Variants in LYRM4 observed in about 807,000 individuals in gnomAD.
The protein encoded by LYRM4 is LYR motif containing 4, also known as LYR motif-containing protein 4.
In LYRM4, 9 loss-of-function variants were observed where a neutral mutation model predicts 11.7. The observed-to-expected ratio is 0.77, with a 90% confidence interval of 0.46 to 1.34. The LOEUF is 1.34. Ranked by LOEUF, LYRM4 falls within the 40% of genes most tolerant of loss-of-function variation. LYRM4 has a pLI of 0.00. For synonymous variants in LYRM4, 42 were observed against 40.4 expected (o/e 1.04, Z -0.15); for missense variants, 133 against 112.5 (o/e 1.18, Z -0.82).
chr6:5,215,835 C>A (rs1762243410), intron 2 of LYRM4, among the ~76,000 whole-genome samples: 1 of 151,940 alleles, frequency 6.6e-6, no homozygotes, highest in Non-Finnish European at 1.5e-5. Context: ...AAGGGAAACA[C>A]GAATGGAAGC....
chr6:5,032,300 T>C, the LYRM4 span: 1 of 152,236 alleles, frequency 6.6e-6, no homozygotes. Context: ...CCTATATTTC[T>C]ATTTCTTGGG....
chr6:5,068,621 G>T, the LYRM4 span, among the ~76,000 whole-genome samples: 1 of 152,148 alleles, frequency 6.6e-6, no homozygotes, highest in Non-Finnish European at 1.5e-5. This position sits in a 1 kb window ranked among gnomAD's most constrained non-coding sequence, Gnocchi z 4.0. Flanking sequence ...TGCTGTCTCT[G>T]TTGCAGACCC....
chr6:5,199,514 T>C (rs777169073), intron 2 of LYRM4, among the ~76,000 whole-genome samples: 7 of 152,236 alleles, frequency 4.6e-5, no homozygotes, highest in Non-Finnish European at 7.3e-5. Context: ...GGGTGAATTT[T>C]GTGGTATGTG....
intron 1 of LYRM4, among the ~76,000 whole-genome samples, chr6:5,250,603 C>T (rs1392250789): frequency 6.6e-6 from 1 of 152,174 alleles, no homozygotes; most frequent in African/African-American, 2.4e-5. Context: ...TGCTTTTAGG[C>T]ACACATGAAT....
intron 2 of LYRM4, among the ~76,000 whole-genome samples, chr6:5,188,816 T>G (rs1392759318): frequency 6.6e-6 from 1 of 152,126 alleles, no homozygotes; most frequent in African/African-American, 2.4e-5. Flanking sequence ...CAGGCTGGAG[T>G]GCAGTGGCGC....
intron 2 of LYRM4, among the ~76,000 whole-genome samples, chr6:5,211,168 G>A (rs1761968974): frequency 6.6e-6 from 1 of 152,006 alleles, no homozygotes; most frequent in South Asian, 2.1e-4. Flanking sequence ...CTTTTTCTCA[G>A]GCTGTTGTAA....
At chr6:5,062,188 G>T in the LYRM4 span, among the ~76,000 whole-genome samples, 1 of 145,116 alleles carries the variant, frequency 6.9e-6, no homozygotes, top group African/African-American at 2.5e-5. Flanking sequence ...AGGCTCAAGT[G>T]ATCCTACCAT....
Position 5,160,763 on chromosome 6 carries a change from G to T in LYRM4, c.208-51272C>A, listed in dbSNP as rs570121250. Among the ~76,000 whole-genome samples the T allele has an allele frequency of 7.2e-5, 11 of 152,266 alleles. No individual in the cohort carries two copies. In the East Asian group the frequency reaches 2.1e-3, roughly 29 times the overall value. Reference sequence around the variant, plus strand: ...AAAATGAACTAATACACCAGGTAGGGTGGAAAGGCACCTGCTCAGTGCACG... The same window carrying T: ...AAAATGAACTAATACACCAGGTAGGTTGGAAAGGCACCTGCTCAGTGCACG... On this transcript the variant is annotated intron_variant, in intron 2 of 2. Coordinates refer to ENST00000330636, the MANE Select transcript of LYRM4 (RefSeq NM_020408.6).
chr6:5,227,670 A>T (rs1326440269), intron 1 of LYRM4, among the ~76,000 whole-genome samples: 1 of 152,046 alleles, frequency 6.6e-6, no homozygotes, highest in African/African-American at 2.4e-5. Context: ...TTCTACTATA[A>T]AGACACATGC....
chr6:5,180,127 T>A (rs78569623), intron 2 of LYRM4, among the ~76,000 whole-genome samples: 1,773 of 152,292 alleles, frequency 0.012, 33 homozygotes, highest in African/African-American at 0.04. Context: ...TGCCAGCATG[T>A]CACAGGAGCT....
At chr6:5,212,269 G>A (rs1293424723) in intron 2 of LYRM4, among the ~76,000 whole-genome samples, 3 of 152,226 alleles carry the variant, frequency 2.0e-5, no homozygotes, top group African/African-American at 2.4e-5. Context: ...TCTAACTAAC[G>A]CCTTGCAAAT....
the LYRM4 span, among the ~76,000 whole-genome samples, chr6:5,044,747 G>A: frequency 1.3e-5 from 2 of 152,198 alleles, no homozygotes; most frequent in Non-Finnish European, 2.9e-5. Context: ...GATTTTCCAA[G>A]CTTGGCTCTC....
intron 2 of LYRM4, among the ~76,000 whole-genome samples, chr6:5,134,217 T>C (rs1005608329): frequency 2.6e-5 from 4 of 152,226 alleles, no homozygotes; most frequent in Admixed American, 6.5e-5. Context: ...GTGAGTGTAA[T>C]GTCTGGCCAA....
intron 2 of LYRM4, among the ~76,000 whole-genome samples, chr6:5,158,520 A>G (rs1758554651): frequency 6.8e-6 from 1 of 147,150 alleles, no homozygotes; most frequent in Non-Finnish European, 1.5e-5. Flanking sequence ...TTTGTCACAC[A>G]GGCTGGAGTG....
chr6:5,216,712 T>A lies in LYRM4; in HGVS notation c.113A>T (p.Asp38Val). 6.2e-7 allele frequency: 1 copy of A among 1,613,526 alleles called. No homozygotes were observed. Reference sequence around the variant, plus strand: ...TACATTTTTATTTTCTCTGAAGGCATCTCTTATCCTCCTGACAGCATATGT... The same window carrying A: ...TACATTTTTATTTTCTCTGAAGGCAACTCTTATCCTCCTGACAGCATATGT... Reference protein sequence around the residue: ...YRTYAVRRIRDAFRENKNVKD... With the variant: ...YRTYAVRRIRVAFRENKNVKD... The change falls in exon 2 of 3, where the codon GAT (aspartate) becomes GTT (valine). Residue 38 changes from aspartate (D) to valine (V), a missense_variant. Asp to Val is a radical substitution (Grantham distance 152). Transcript: ENST00000330636.
At chr6:5,192,647 C>G (rs543119405) in intron 2 of LYRM4, among the ~76,000 whole-genome samples, 22 of 152,274 alleles carry the variant, frequency 1.4e-4, no homozygotes, top group African/African-American at 5.1e-4. Context: ...CTGCTGTCCT[C>G]TTCCATGATG....
chr6:5,130,279 G>C (rs542907898), intron 2 of LYRM4, among the ~76,000 whole-genome samples: 1 of 151,996 alleles, frequency 6.6e-6, no homozygotes, highest in Non-Finnish European at 1.5e-5. Context: ...GGATTAGTGG[G>C]CCTGGAGGAG....
intron 2 of LYRM4, among the ~76,000 whole-genome samples, chr6:5,165,608 T>G (rs1759037355): frequency 6.6e-6 from 1 of 151,932 alleles, no homozygotes; most frequent in Non-Finnish European, 1.5e-5. Context: ...AGTGGCGCGA[T>G]CTCGGCTCAC....
the LYRM4 span, among the ~76,000 whole-genome samples, chr6:5,037,548 G>C: frequency 1.2e-5 from 1 of 82,560 alleles, no homozygotes. Context: ...CGGGGTCCTG[G>C]CCGGGCAGAG....
Sources: allele counts gnomAD v4.1 joint callset (sites outside exome capture counted in the v4.1 genomes callset), GRCh38; gene constraint gnomAD v4.1.1; non-coding constraint Gnocchi (gnomAD v3.1); transcripts MANE v1.5; gene names NCBI Gene and HGNC (gene_info 2026-07-23, HGNC 2026-07-21).